The following AGBL1 variants were observed in gnomAD, a reference collection of about 807,000 sequenced individuals.
AGBL1 encodes the protein cytosolic carboxypeptidase 4.
In AGBL1, 130 loss-of-function variants were observed where a neutral mutation model predicts 118.9. The observed-to-expected ratio is 1.09, with a 90% CI of 0.95 to 1.26. AGBL1 has a LOEUF of 1.26. AGBL1 is among the 50% of genes most tolerant of loss of function. The pLI is 0.00. For missense variants in AGBL1, 1,584 were observed against 1,298.1 expected, an observed-to-expected ratio of 1.22 and a Z score of -3.38; for synonymous variants, 555 against 478.9, an observed-to-expected ratio of 1.16 and a Z score of -2.08.
At chr15:86,332,787 C>T (rs569983846) in intron 17 of AGBL1, among the ~76,000 whole-genome samples, 163 of 152,106 alleles carry the variant, frequency 1.1e-3, no homozygotes, top group African/African-American at 3.7e-3. Flanking sequence ...ACTCCAAGAT[C>T]GACCACATGC....
intron 17 of AGBL1, among the ~76,000 whole-genome samples, chr15:86,376,298 C>G (rs1187415914): frequency 6.6e-6 from 1 of 152,204 alleles, no homozygotes; most frequent in South Asian, 2.1e-4. Flanking sequence ...TGCCCTCACT[C>G]TGTACTAACT....
chr15:86,487,275 T>C (rs1298691138), intron 18 of AGBL1, among the ~76,000 whole-genome samples: 2 of 152,060 alleles, frequency 1.3e-5, no homozygotes, highest in South Asian at 2.1e-4. Context: ...CTTCCTATTG[T>C]AACTCTTTGC....
At chr15:86,269,051 G>A (rs981641025) in intron 13 of AGBL1, among the ~76,000 whole-genome samples, 2 of 152,128 alleles carry the variant, frequency 1.3e-5, no homozygotes, top group Admixed American at 1.3e-4. Flanking sequence ...ATAATCTTTG[G>A]AGATATATAG....
chr15:86,154,594 CT>C (rs1364016866), intron 4 of AGBL1, 33 bp downstream of exon 4: 2 of 1,579,832 alleles, frequency 1.3e-6, no homozygotes, highest in South Asian at 2.3e-5. Flanking sequence ...TCGGGGATGG[CT>C]TCCAAACCTG....
At chr15:86,652,769 A>G (rs1290899546) in intron 21 of AGBL1, among the ~76,000 whole-genome samples, 1 of 152,192 alleles carries the variant, frequency 6.6e-6, no homozygotes, top group Non-Finnish European at 1.5e-5. Context: ...AAATGTATGT[A>G]TACACACACT....
intron 5 of AGBL1, among the ~76,000 whole-genome samples, chr15:86,216,927 A>T (rs1011120616): frequency 6.6e-6 from 1 of 152,140 alleles, no homozygotes; most frequent in African/African-American, 2.4e-5. Context: ...GTCACCTTAC[A>T]GTGTCTGTAC....
At chr15:86,541,593 C>CAAAAAAA (rs34178328) in intron 19 of AGBL1, among the ~76,000 whole-genome samples, 1 of 58,214 alleles carries the variant, frequency 1.7e-5, no homozygotes, top group Non-Finnish European at 3.1e-5. Context: ...GACTATGTCT[C>CAAAAAAA]AAAAAAAAAA....
intron 21 of AGBL1, among the ~76,000 whole-genome samples, chr15:86,645,403 A>G (rs1187654374): frequency 6.6e-6 from 1 of 152,226 alleles, no homozygotes; most frequent in Admixed American, 6.5e-5. Flanking sequence ...TTTAAAATTA[A>G]AAAATGGGAA....
At chr15:86,778,534 C>A (rs983323402) in intron 22 of AGBL1, among the ~76,000 whole-genome samples, 10 of 152,082 alleles carry the variant, frequency 6.6e-5, no homozygotes, top group African/African-American at 2.4e-4. Flanking sequence ...CAGGGATGTT[C>A]CTTGCTGAGA....
At chr15:86,711,689 C>A (rs546334568) in intron 22 of AGBL1, among the ~76,000 whole-genome samples, 22 of 152,256 alleles carry the variant, frequency 1.4e-4, no homozygotes, top group Admixed American at 1.2e-3. Flanking sequence ...CAGCCTATGA[C>A]CTGTTTTGAA....
intron 23 of AGBL1, among the ~76,000 whole-genome samples, chr15:86,947,710 C>T (rs1354259872): frequency 6.6e-6 from 1 of 152,072 alleles, no homozygotes; most frequent in South Asian, 2.1e-4. Context: ...CTAGCTTCAC[C>T]GTGTAGCAGC....
At chr15:86,169,404 A>G (rs2077384561) in intron 5 of AGBL1, among the ~76,000 whole-genome samples, 1 of 152,174 alleles carries the variant, frequency 6.6e-6, no homozygotes, top group Non-Finnish European at 1.5e-5. Context: ...TGAAAGACAG[A>G]CTGGAAAACC....
At chr15:87,023,159 A>C (rs1277416127) in intron 24 of AGBL1, among the ~76,000 whole-genome samples, 1 of 152,124 alleles carries the variant, frequency 6.6e-6, no homozygotes, top group Non-Finnish European at 1.5e-5. Flanking sequence ...TAAATTACCT[A>C]AATGTTCTAC....
At chr15:86,792,717 G>A (rs984022192) in intron 22 of AGBL1, among the ~76,000 whole-genome samples, 3 of 152,110 alleles carry the variant, frequency 2.0e-5, no homozygotes, top group African/African-American at 4.8e-5. Flanking sequence ...CGAGATGGGA[G>A]GATTGCTTGA....
rs1896319963 is a variant in AGBL1, at chr15:86,095,646, C to CTTTTTTTTTTTTTTTTTTTTTTTT, written c.51+15623_51+15624insTTTTTTTTTTTTTTTTTTTTTTTT. Among the ~76,000 whole-genome samples the CTTTTTTTTTTTTTTTTTTTTTTTT allele has an allele frequency of 5.1e-5, 6 of 116,684 alleles. 3 individuals are homozygous for CTTTTTTTTTTTTTTTTTTTTTTTT. The highest frequency in any genetic ancestry group is 6.3e-5 in the African/African-American group (2 of 31,940). The allele number at this position is 116,684 out of a possible 152,430, so 76.5% of individuals were successfully genotyped here. On this transcript the variant is annotated intron_variant, in intron 1 of 22. Coordinates refer to ENST00000614907, the MANE Select transcript of AGBL1 (RefSeq NM_001386094.1). ...TCATAATGTCACATGACCTTGGATA[C>CTTTTTTTTTTTTTTTTTTTTTTTT]CTTTTTTTTTTTTTTTTTTTTTTTT...
At chr15:86,966,699 C>T (rs905369967) in intron 23 of AGBL1, among the ~76,000 whole-genome samples, 3 of 152,008 alleles carry the variant, frequency 2.0e-5, no homozygotes, top group African/African-American at 7.3e-5. Context: ...TGTATATGTG[C>T]CATATTTTCT....
At chr15:86,840,590 C>T (rs1476198175) in intron 22 of AGBL1, among the ~76,000 whole-genome samples, 5 of 152,158 alleles carry the variant, frequency 3.3e-5, no homozygotes, top group Middle Eastern at 3.4e-3. Flanking sequence ...GGATTACAGG[C>T]GTGTACTACC....
intron 6 of AGBL1, among the ~76,000 whole-genome samples, chr15:86,245,064 G>T (rs2078698789): frequency 6.6e-6 from 1 of 152,022 alleles, no homozygotes; most frequent in Non-Finnish European, 1.5e-5. Flanking sequence ...GGGTCATGTT[G>T]TAAAGAGAAA....
chr15:86,863,201 G>A lies in AGBL1; in HGVS notation c.3159-43886G>A, dbSNP rs75005249. On this transcript the variant is annotated intron_variant, in intron 22 of 22. Coordinates refer to ENST00000614907, the MANE Select transcript of AGBL1 (RefSeq NM_001386094.1). The stretch of plus-strand genomic sequence containing the variant: ...CATAGATAAATACTGGAGCTGGAAA[G>A]GCATATAGAGACTCCGGATAAATGA... Among the ~76,000 whole-genome samples the A allele has an allele frequency of 4.2e-3, 646 of 152,258 alleles. 7 individuals are homozygous for A. The highest frequency in any genetic ancestry group is 0.015 in the African/African-American group (613 of 41,546).
Sources: gnomAD v4.1 joint callset for allele counts (sites outside exome capture counted in the v4.1 genomes callset) on GRCh38, gnomAD v4.1.1 for gene constraint, MANE v1.5 for transcripts, NCBI Gene and HGNC (gene_info 2026-07-23, HGNC 2026-07-21) for gene names.